Variants in STPG2 observed in about 807,000 individuals in gnomAD.
STPG2 encodes sperm tail PG-rich repeat containing 2.
STPG2 carries 56 observed loss-of-function variants against 54.2 expected under a neutral mutation model. The observed-to-expected ratio is 1.03, with a 90% confidence interval of 0.83 to 1.29. STPG2 has a LOEUF of 1.29. Ranked by LOEUF, STPG2 falls within the 50% of genes most tolerant of loss-of-function variation. STPG2 has a pLI of 0.00. For missense variants in STPG2, 596 were observed against 544.9 expected, an observed-to-expected ratio of 1.09 and a Z score of -0.93; for synonymous variants, 200 against 181.8, an observed-to-expected ratio of 1.10 and a Z score of -0.81.
intron 7 of STPG2, among the ~76,000 whole-genome samples, chr4:97,951,621 T>TGCA (rs964972553): frequency 2.0e-5 from 3 of 152,126 alleles, no homozygotes; most frequent in African/African-American, 7.2e-5. Context: ...AGAGACTCTT[T>TGCA]GCATGATAAC....
intron 9 of STPG2, among the ~76,000 whole-genome samples, chr4:97,830,056 C>T (rs1438811328): frequency 6.6e-6 from 1 of 151,966 alleles, no homozygotes; most frequent in African/African-American, 2.4e-5. Context: ...AAGAGAAACC[C>T]CAAGACACAT....
intron 10 of STPG2, among the ~76,000 whole-genome samples, chr4:97,599,967 C>T (rs765470944): frequency 1.3e-5 from 2 of 152,046 alleles, no homozygotes; most frequent in Non-Finnish European, 2.9e-5. Flanking sequence ...GGCCATTATC[C>T]TAAATGAACT....
rs533982841 is a variant in STPG2 at position 97,906,715 on chromosome 4, C to T, written c.1044+37182G>A. On this transcript the variant is annotated intron_variant, in intron 8 of 10. Coordinates refer to ENST00000295268, the MANE Select transcript of STPG2 (RefSeq NM_174952.3). ...TGGGATGCAAGGCTGGTTCAATATA[C>T]ACAAATCAATAAATGTAATCCAGCA... Among the ~76,000 whole-genome samples, 83 of 151,852 alleles carry T rather than the reference C, an allele frequency of 5.5e-4. 1 individual carries two copies. Among genetic ancestry groups the T allele is most frequent in the Admixed American group, 2.0e-3 (31 of 15,258 alleles).
intron 10 of STPG2, among the ~76,000 whole-genome samples, chr4:97,580,687 T>C (rs1732842494): frequency 6.6e-6 from 1 of 151,980 alleles, no homozygotes; most frequent in Admixed American, 6.6e-5. Context: ...AAAAGGAAAG[T>C]TTATGACTAT....
chr4:97,902,832 G>T (rs1296577633), intron 8 of STPG2, among the ~76,000 whole-genome samples: 1 of 152,124 alleles, frequency 6.6e-6, no homozygotes, highest in Admixed American at 6.5e-5. Flanking sequence ...ATGTTGAAGA[G>T]ATATCAGTAC....
At chr4:97,508,681 C>T (rs574786707) in intron 4 of STPG2, among the ~76,000 whole-genome samples, 27 of 151,900 alleles carry the variant, frequency 1.8e-4, no homozygotes, top group African/African-American at 2.4e-4. Context: ...AGAATTATAA[C>T]GACATAATGA....
intron 7 of STPG2, among the ~76,000 whole-genome samples, chr4:97,961,212 G>C (rs1336130959): frequency 6.6e-6 from 1 of 151,932 alleles, no homozygotes; most frequent in Non-Finnish European, 1.5e-5. Flanking sequence ...GATGGGTCAA[G>C]AACTTAAATC....
At chr4:97,481,341 T>G (rs1042178425) in intron 4 of STPG2, among the ~76,000 whole-genome samples, 1 of 151,540 alleles carries the variant, frequency 6.6e-6, no homozygotes, top group African/African-American at 2.4e-5. Context: ...CACAATTGTT[T>G]TGGCTATTTT....
intron 9 of STPG2, among the ~76,000 whole-genome samples, chr4:97,785,851 T>C (rs1005500339): frequency 6.7e-6 from 1 of 149,972 alleles, no homozygotes; most frequent in African/African-American, 2.5e-5. Context: ...AAAAAAAAAC[T>C]ATATGAGTTT....
At chr4:97,914,190 A>G (rs931819956) in intron 8 of STPG2, among the ~76,000 whole-genome samples, 2 of 152,180 alleles carry the variant, frequency 1.3e-5, no homozygotes, top group African/African-American at 4.8e-5. Flanking sequence ...TCTGAAAGTA[A>G]ATTATTACCC....
At chr4:97,671,504 CTAGT>C (rs1040414821) in intron 10 of STPG2, among the ~76,000 whole-genome samples, 3 of 152,170 alleles carry the variant, frequency 2.0e-5, no homozygotes, top group African/African-American at 4.8e-5. Context: ...TTGTGTTGCA[CTAGT>C]TATTCTCCAC....
At position 97,949,590 on chromosome 4, in the gene STPG2, A is replaced by G. The variant is rs114350026; in HGVS notation, c.934-5583T>C. 5.1e-3 allele frequency among the ~76,000 whole-genome samples: 770 copies of G among 152,200 alleles called. 8 individuals are homozygous for G. Among genetic ancestry groups the G allele is most frequent in the African/African-American group, 0.017 (723 of 41,526 alleles). On this transcript the variant is annotated intron_variant, in intron 7 of 10. Transcript: ENST00000295268. Reference sequence around the variant, plus strand: ...TTAGACTCCTTTTAGCATTTCTTGTAGGGCTGGTCTGGTAGTAAAAAGTTT... The same window carrying G: ...TTAGACTCCTTTTAGCATTTCTTGTGGGGCTGGTCTGGTAGTAAAAAGTTT...
intron 4 of STPG2, among the ~76,000 whole-genome samples, chr4:97,451,810 C>T (rs1465162925): frequency 6.6e-6 from 1 of 152,162 alleles, no homozygotes; most frequent in Non-Finnish European, 1.5e-5. Flanking sequence ...AATAATTCTT[C>T]CTACTCAAAT....
At chr4:97,817,138 A>G (rs1727942493) in intron 9 of STPG2, among the ~76,000 whole-genome samples, 1 of 150,216 alleles carries the variant, frequency 6.7e-6, no homozygotes, top group Non-Finnish European at 1.5e-5. Context: ...CACCTTGGAA[A>G]TGTGTGACTT....
intron 10 of STPG2, among the ~76,000 whole-genome samples, chr4:97,700,327 C>A (rs572722538): frequency 1.4e-4 from 21 of 152,264 alleles, no homozygotes; most frequent in African/African-American, 5.1e-4. Context: ...AAAATAGCAG[C>A]CTTTTGGGTC....
At chr4:97,771,935 A>T (rs1726232542) in intron 9 of STPG2, among the ~76,000 whole-genome samples, 1 of 152,138 alleles carries the variant, frequency 6.6e-6, no homozygotes, top group African/African-American at 2.4e-5. Flanking sequence ...CAGAACCATA[A>T]AGGGCTGTGA....
At chr4:98,057,277 A>G (rs13125537) in intron 5 of STPG2, among the ~76,000 whole-genome samples, 59,978 of 152,070 alleles carry the variant, frequency 0.39, 12,067 homozygotes, top group Middle Eastern at 0.46. Context: ...ACAGGAATAC[A>G]TTGAAACCAA....
chr4:97,988,274 T>A (rs1406144033), intron 5 of STPG2, among the ~76,000 whole-genome samples: 1 of 152,168 alleles, frequency 6.6e-6, no homozygotes, highest in African/African-American at 2.4e-5. Flanking sequence ...CCAGGCCACC[T>A]AATCTAAAAT....
intron 10 of STPG2, among the ~76,000 whole-genome samples, chr4:97,696,218 G>T (rs1235875745): frequency 1.3e-5 from 2 of 152,064 alleles, no homozygotes; most frequent in Non-Finnish European, 2.9e-5. Flanking sequence ...TAGAAATAAA[G>T]CCAAATACTT....
Sources: allele counts gnomAD v4.1 joint callset (sites outside exome capture counted in the v4.1 genomes callset), GRCh38; gene constraint gnomAD v4.1.1; transcripts MANE v1.5; gene names NCBI Gene and HGNC (gene_info 2026-07-23, HGNC 2026-07-21).